The following RYR2 variants were observed in gnomAD, a reference collection of about 807,000 sequenced individuals.
RYR2 encodes the protein cardiac muscle ryanodine receptor-calcium release channel.
Under a neutral mutation model 601.1 loss-of-function variants are expected in RYR2, and 227 were observed. The ratio of observed to expected loss-of-function variants is 0.38; its 90% confidence interval spans 0.34 to 0.42. The LOEUF is 0.42. Ranked by LOEUF, RYR2 falls within the 10% of genes least tolerant of loss-of-function variation. RYR2 has a pLI of 1.00. For missense variants in RYR2, 4,646 were observed against 6,156.5 expected, an observed-to-expected ratio of 0.75 and a Z score of 8.21; for synonymous variants, 2,223 against 2,175.1, an observed-to-expected ratio of 1.02 and a Z score of -0.61.
intron 4 of RYR2, among the ~76,000 whole-genome samples, chr1:237,359,067 A>G (rs1699548560): frequency 6.6e-6 from 1 of 152,096 alleles, no homozygotes; most frequent in African/African-American, 2.4e-5. Context: ...GTGAGGTTAT[A>G]TCCTGAAAAG....
intron 8 of RYR2, among the ~76,000 whole-genome samples, chr1:237,386,926 A>T (rs1558731572): frequency 6.6e-6 from 1 of 152,238 alleles, no homozygotes; most frequent in Non-Finnish European, 1.5e-5. Flanking sequence ...AAGCTGTCAG[A>T]GTGTGATATG....
intron 1 of RYR2, among the ~76,000 whole-genome samples, chr1:237,161,366 A>G (rs1393761570): frequency 6.7e-6 from 1 of 149,728 alleles, no homozygotes; most frequent in African/African-American, 2.5e-5. Flanking sequence ...GGAAAAAAAA[A>G]GAAAACATTG....
At chr1:237,201,386 T>A (rs1270788816) in intron 1 of RYR2, among the ~76,000 whole-genome samples, 3 of 152,202 alleles carry the variant, frequency 2.0e-5, no homozygotes, top group African/African-American at 7.2e-5. Flanking sequence ...ATATGTTGAT[T>A]TGTAACATCA....
At chr1:237,327,741 TC>T (rs1179271087) in intron 2 of RYR2, among the ~76,000 whole-genome samples, 1 of 152,240 alleles carries the variant, frequency 6.6e-6, no homozygotes, top group Non-Finnish European at 1.5e-5. Context: ...TATTTTAAGT[TC>T]TTTTTATATT....
rs1031791420 is a variant in RYR2, at chr1:237,820,211, G to A, written c.14590+1019G>A. Among the ~76,000 whole-genome samples, 7 of 151,452 alleles carry A rather than the reference G, an allele frequency of 4.6e-5. No homozygotes were observed. In the East Asian group the frequency reaches 7.8e-4, roughly 17 times the overall value. ...TCAAAAAAAAAAAAAAAAAAAAGGT[G>A]GGGGAGGGAGGGTAGCTGGCAAGAT... On this transcript the variant is annotated intron_variant, in intron 101 of 104. Coordinates refer to ENST00000366574, the MANE Select transcript of RYR2 (RefSeq NM_001035.3).
chr1:237,548,467 G>T lies in RYR2; in HGVS notation c.2943G>T (p.Met981Ile), dbSNP rs1559007743. 6.2e-7 allele frequency: 1 copy of T among 1,613,940 alleles called. No homozygotes were observed. The highest frequency in any genetic ancestry group is 1.6e-4 in the Middle Eastern group (1 of 6,062). The change falls in exon 26 of 105, where the codon ATG (methionine) becomes ATT (isoleucine). Residue 981 changes from methionine (M) to isoleucine (I), a missense_variant. By Grantham distance (10) the Met-to-Ile change is conservative. Transcript: ENST00000366574. ...CAAGTGGATACAAGCCTGCCCCTAT[G>T]GACCTGAGCTTTATCAAACTCACCC... ...QLTSGYKPAP[M>I]DLSFIKLTPS...
chr1:237,527,768 C>G (rs1388172161), intron 24 of RYR2, among the ~76,000 whole-genome samples: 2 of 148,894 alleles, frequency 1.3e-5, no homozygotes, highest in African/African-American at 2.4e-5. Context: ...CTTCAGTCAT[C>G]ATCTTTTCTC....
intron 84 of RYR2, among the ~76,000 whole-genome samples, chr1:237,761,554 A>G (rs762857470): frequency 1.4e-4 from 21 of 152,148 alleles, no homozygotes; most frequent in Non-Finnish European, 2.8e-4. Context: ...GAGACCAGTT[A>G]TTTCGCTTAA....
At chr1:237,505,817 C>T (rs539651410) in intron 22 of RYR2, among the ~76,000 whole-genome samples, 5 of 152,308 alleles carry the variant, frequency 3.3e-5, no homozygotes, top group African/African-American at 7.2e-5. Context: ...TTAATCAAGA[C>T]GTAAACAACC....
chr1:237,264,282 G>A (rs1156600292), intron 1 of RYR2, among the ~76,000 whole-genome samples: 5 of 151,972 alleles, frequency 3.3e-5, no homozygotes, highest in Non-Finnish European at 7.4e-5. Flanking sequence ...TCTTTCTCTT[G>A]TTCTGGGATT....
At chr1:237,107,908 A>AT in intron 1 of RYR2, among the ~76,000 whole-genome samples, 1 of 151,624 alleles carries the variant, frequency 6.6e-6, no homozygotes, top group South Asian at 2.1e-4. Context: ...ATCTTCCTTT[A>AT]TTTTTCTTGA....
chr1:237,077,527 G>C (rs1374726280), intron 1 of RYR2, among the ~76,000 whole-genome samples: 2 of 130,366 alleles, frequency 1.5e-5, no homozygotes, highest in African/African-American at 2.7e-5. Flanking sequence ...AAGAGACAAA[G>C]AAGGCCATTA....
intron 24 of RYR2, among the ~76,000 whole-genome samples, chr1:237,523,310 T>G (rs1667268821): frequency 6.6e-6 from 1 of 152,180 alleles, no homozygotes; most frequent in Non-Finnish European, 1.5e-5. Context: ...GAGAGAATAT[T>G]TGTGAATCAA....
chr1:237,155,462 C>T (rs1478812142), intron 1 of RYR2, among the ~76,000 whole-genome samples: 5 of 151,974 alleles, frequency 3.3e-5, no homozygotes, highest in African/African-American at 4.8e-5. Context: ...AGGCATGAGC[C>T]GAATAGTGGC....
In RYR2 at chr1:237,377,396, T is replaced by C. The variant is rs1362710187; in HGVS notation, c.537T>C (p.Asp179=). The change falls in exon 8 of 105, where the codon GAT becomes GAC. Residue 179 remains aspartate, a synonymous_variant. Coordinates refer to ENST00000366574, the MANE Select transcript of RYR2 (RefSeq NM_001035.3). The part of the protein sequence containing the change: ...RSEGEKVRVG[D]DLILVSVSSE... Reference sequence around the variant, plus strand: ...AAGGAGAAAAAGTACGAGTTGGAGATGACCTCATCTTAGTTAGCGTGTCCT... The same window carrying C: ...AAGGAGAAAAAGTACGAGTTGGAGACGACCTCATCTTAGTTAGCGTGTCCT... 1 of 1,613,736 alleles carries C rather than the reference T, an allele frequency of 6.2e-7. No homozygotes were observed. Among genetic ancestry groups the C allele is most frequent in the Non-Finnish European group, 8.5e-7 (1 of 1,179,710 alleles).
intron 62 of RYR2, among the ~76,000 whole-genome samples, chr1:237,684,770 C>CAT (rs796412616): frequency 0.044 from 1,578 of 35,842 alleles, 12 homozygotes; most frequent in East Asian, 0.087. Context: ...ATTATCTGAA[C>CAT]ACATATATAT....
chr1:237,808,108 G>T (rs970453744), intron 99 of RYR2, among the ~76,000 whole-genome samples: 4 of 152,110 alleles, frequency 2.6e-5, no homozygotes, highest in Admixed American at 2.6e-4. Context: ...TATAGATTGA[G>T]AAAAATAGCC....
chr1:237,799,513 TGTAA>T (rs58005010), intron 97 of RYR2, among the ~76,000 whole-genome samples: 24,406 of 152,024 alleles, frequency 0.16, 2,659 homozygotes, highest in African/African-American at 0.31. Context: ...AGTAACTGTT[TGTAA>T]GTAAGTTTGA....
intron 1 of RYR2, among the ~76,000 whole-genome samples, chr1:237,081,215 G>T (rs1665579503): frequency 7.9e-6 from 1 of 126,378 alleles, no homozygotes; most frequent in Non-Finnish European, 1.6e-5. Flanking sequence ...CACCAGCATG[G>T]CACATGTATA....
Sources: gnomAD v4.1 joint callset for allele counts (sites outside exome capture counted in the v4.1 genomes callset) on GRCh38, gnomAD v4.1.1 for gene constraint, MANE v1.5 for transcripts, NCBI Gene and HGNC (gene_info 2026-07-23, HGNC 2026-07-21) for gene names.